ITGB1: variants seen among roughly 807,000 people sequenced by gnomAD.
The protein encoded by ITGB1 is integrin beta-1.
A neutral mutation model predicts 86.5 loss-of-function variants in ITGB1; 24 were observed. The ratio of observed to expected loss-of-function variants is 0.28; its 90% confidence interval spans 0.20 to 0.39. The LOEUF (loss-of-function observed/expected upper bound fraction) is 0.39, where lower values mean the gene tolerates loss of function less well. Among genes scored for constraint, ITGB1 ranks in the 10% least tolerant of loss-of-function variants. The pLI is 1.00. For missense variants in ITGB1, 556 were observed against 946.9 expected, an observed-to-expected ratio of 0.59 and a Z score of 5.42; for synonymous variants, 323 against 316.8, an observed-to-expected ratio of 1.02 and a Z score of -0.21.
intron 1 of ITGB1, among the ~76,000 whole-genome samples, chr10:32,949,683 T>C (rs2095038949): frequency 6.6e-6 from 1 of 152,184 alleles, no homozygotes; most frequent in African/African-American, 2.4e-5. Flanking sequence ...TTAACCCAAA[T>C]ATGTGCAATT....
At chr10:32,926,589 T>C (rs1468863231) in intron 5 of ITGB1, among the ~76,000 whole-genome samples, 1 of 152,174 alleles carries the variant, frequency 6.6e-6, no homozygotes, top group African/African-American at 2.4e-5. Context: ...GCTCCCCACT[T>C]TGCCTTCTGC....
chr10:32,915,454 A>C (rs920897606), intron 11 of ITGB1, among the ~76,000 whole-genome samples: 2 of 152,236 alleles, frequency 1.3e-5, no homozygotes, highest in Non-Finnish European at 2.9e-5. Flanking sequence ...AGAATCAAAT[A>C]GATGCAATAA....
At chr10:32,955,985 G>A (rs551602020) in intron 1 of ITGB1, among the ~76,000 whole-genome samples, 1 of 152,242 alleles carries the variant, frequency 6.6e-6, no homozygotes, top group South Asian at 2.1e-4. Flanking sequence ...TTTGCTTCCT[G>A]TTTACAGAAT....
At chr10:32,949,002 AGAGGGCCAGACTAGGCACAGGC>A (rs2095037652) in intron 1 of ITGB1, among the ~76,000 whole-genome samples, 1 of 144,238 alleles carries the variant, frequency 6.9e-6, no homozygotes, top group Non-Finnish European at 1.5e-5. Flanking sequence ...TTCTCAATTG[AGAGGGCCAGACTAGGCACAGGC>A]AAGAAGAAGA....
At chr10:32,953,174 G>A (rs1459700003) in intron 1 of ITGB1, among the ~76,000 whole-genome samples, 3 of 152,076 alleles carry the variant, frequency 2.0e-5, no homozygotes, top group African/African-American at 4.8e-5. Flanking sequence ...CCTACACAAC[G>A]TGTTCCAAAA....
At chr10:32,929,311 C>T (rs1273578908) in intron 4 of ITGB1, among the ~76,000 whole-genome samples, 2 of 151,898 alleles carry the variant, frequency 1.3e-5, no homozygotes, top group East Asian at 3.8e-4. Context: ...GAGGAGGGGC[C>T]GGGAGGGAAG....
intron 6 of ITGB1, among the ~76,000 whole-genome samples, chr10:32,923,992 GT>G (rs1373541995): frequency 6.6e-6 from 1 of 152,030 alleles, no homozygotes; most frequent in Non-Finnish European, 1.5e-5. Context: ...TTTAAAAACT[GT>G]TTTTTTGTTT....
At chr10:32,958,001 G>GCCCCCGCCCCCGCC (rs2095056431) in intron 1 of ITGB1, 144 bp downstream of exon 1, 1 of 145,784 alleles carries the variant, frequency 6.9e-6, no homozygotes, top group Admixed American at 6.8e-5. Flanking sequence ...GCTGGCGGCC[G>GCCCCCGCCCCCGCC]CCCCCGCCCC....
intron 2 of ITGB1, among the ~76,000 whole-genome samples, chr10:32,933,053 C>T (rs2094989117): frequency 1.3e-5 from 2 of 152,026 alleles, no homozygotes; most frequent in African/African-American, 4.8e-5. Context: ...ACTTCCTCCC[C>T]ACCTTCTCAC....
At chr10:32,947,107 T>C (rs942939774) in intron 1 of ITGB1, among the ~76,000 whole-genome samples, 3 of 152,040 alleles carry the variant, frequency 2.0e-5, no homozygotes, top group Non-Finnish European at 2.9e-5. Context: ...CCTCCCAAAG[T>C]GGTGGGATTA....
intron 1 of ITGB1, chr10:32,945,037 A>G: frequency 3.4e-6 from 2 of 594,806 alleles, no homozygotes; most frequent in South Asian, 3.6e-5. Flanking sequence ...AGATGAGCAA[A>G]CCTCCTATTC....
intron 1 of ITGB1, among the ~76,000 whole-genome samples, chr10:32,937,449 A>G (rs1385082506): frequency 6.7e-6 from 1 of 150,314 alleles, no homozygotes; most frequent in Non-Finnish European, 1.5e-5. Flanking sequence ...CCAGCTTCTC[A>G]GGAGGCTGAG....
chr10:32,923,984 T>A (rs1023902255), intron 6 of ITGB1, among the ~76,000 whole-genome samples: 1 of 152,224 alleles, frequency 6.6e-6, no homozygotes, highest in African/African-American at 2.4e-5. Context: ...CAGTTCTTTT[T>A]AAAAACTGTT....
chr10:32,929,062 G>C (rs1398517490), intron 4 of ITGB1, among the ~76,000 whole-genome samples: 1 of 152,042 alleles, frequency 6.6e-6, no homozygotes. Flanking sequence ...TAGGTGGACT[G>C]CAAAAAGGGA....
At chr10:32,928,384 T>G in intron 4 of ITGB1, 120 bp from the exon 5 acceptor site, 1 of 563,510 alleles carries the variant, frequency 1.8e-6, no homozygotes, top group Non-Finnish European at 3.2e-6. Context: ...GTTGTCATAA[T>G]TTTTACAAAA....
chr10:32,942,677 C>T (rs1051870364), intron 1 of ITGB1, among the ~76,000 whole-genome samples: 1 of 109,056 alleles, frequency 9.2e-6, no homozygotes, highest in Admixed American at 9.1e-5. Context: ...CTGTCTCTCT[C>T]TCTCTCTTTT....
At chr10:32,947,182 GAATGTT>G (rs1225161220) in intron 1 of ITGB1, among the ~76,000 whole-genome samples, 1 of 151,934 alleles carries the variant, frequency 6.6e-6, no homozygotes, top group African/African-American at 2.4e-5. Flanking sequence ...TGCCTCACTT[GAATGTT>G]AATATTATGT....
intron 11 of ITGB1, among the ~76,000 whole-genome samples, chr10:32,914,982 A>G (rs1212990430): frequency 6.6e-6 from 1 of 152,260 alleles, no homozygotes; most frequent in African/African-American, 2.4e-5. Flanking sequence ...ACCACAGTGC[A>G]ATCAAGCTAG....
chr10:32,950,408 C>T (rs543522375), intron 1 of ITGB1, among the ~76,000 whole-genome samples: 290 of 152,246 alleles, frequency 1.9e-3, no homozygotes, highest in Non-Finnish European at 3.5e-3. Context: ...GAAAGGGAAC[C>T]TTTCCCCTTA....
Sources: allele counts gnomAD v4.1 joint callset (sites outside exome capture counted in the v4.1 genomes callset), GRCh38; gene constraint gnomAD v4.1.1; transcripts MANE v1.5; gene names NCBI Gene and HGNC (gene_info 2026-07-23, HGNC 2026-07-21).